Variants in ABCB5 observed in about 807,000 individuals in gnomAD.
ABCB5 encodes the protein ATP-binding cassette sub-family B member 5.
Under a neutral mutation model 144.2 loss-of-function variants are expected in ABCB5, and 155 were observed. That is an observed-to-expected ratio of 1.08 (90% CI 0.94 to 1.23). The LOEUF is 1.23. Ranked by LOEUF, ABCB5 falls within the 50% of genes most tolerant of loss-of-function variation. The pLI is 0.00. For missense variants in ABCB5, 1,830 were observed against 1,520.8 expected (o/e 1.20, Z -3.38); for synonymous variants, 610 against 528.6 (o/e 1.15, Z -2.11).
Position 20,715,332 on chromosome 7 carries a change from C to T in ABCB5, c.2422-7684C>T, listed in dbSNP as rs146321623. On this transcript the variant is annotated intron_variant, in intron 20 of 27. Transcript: ENST00000404938. ...AAGTGCTAGGATTACAGGTGTGAGC[C>T]GCCGCGCATGGCCTCTACTACTTAC... Among the ~76,000 whole-genome samples, 739 of 152,188 alleles carry T rather than the reference C, an allele frequency of 4.9e-3. 7 individuals carry two copies. The highest frequency in any genetic ancestry group is 0.017 in the African/African-American group (698 of 41,508).
At chr7:20,710,106 G>A (rs1370189457) in intron 20 of ABCB5, among the ~76,000 whole-genome samples, 7 of 147,666 alleles carry the variant, frequency 4.7e-5, no homozygotes, top group South Asian at 2.2e-4. Flanking sequence ...GGTGGCTCAC[G>A]CCTGTAATCC....
At chr7:20,694,719 C>G (rs1019655060) in intron 16 of ABCB5, among the ~76,000 whole-genome samples, 5 of 151,936 alleles carry the variant, frequency 3.3e-5, no homozygotes, top group Admixed American at 2.6e-4. Context: ...CACACATACA[C>G]GTACTAAAAC....
At chr7:20,689,885 G>T (rs956248744) in intron 16 of ABCB5, among the ~76,000 whole-genome samples, 98 of 152,172 alleles carry the variant, frequency 6.4e-4, no homozygotes, top group African/African-American at 2.2e-3. Context: ...TAATATTTCA[G>T]ACAGGGGCAC....
chr7:20,657,279 A>T (rs1014058516), intron 13 of ABCB5, among the ~76,000 whole-genome samples: 1 of 152,026 alleles, frequency 6.6e-6, no homozygotes, highest in African/African-American at 2.4e-5. Flanking sequence ...TCAGATAATG[A>T]ATAATTTTTT....
At chr7:20,650,597 G>GT (rs1424748967) in intron 12 of ABCB5, among the ~76,000 whole-genome samples, 1 of 150,496 alleles carries the variant, frequency 6.6e-6, no homozygotes, top group Non-Finnish European at 1.5e-5. Context: ...AGCTTACAGT[G>GT]TTGCACTTAA....
chr7:20,628,240 T>C (rs1317716666), intron 3 of ABCB5, among the ~76,000 whole-genome samples: 1 of 152,058 alleles, frequency 6.6e-6, no homozygotes, highest in Non-Finnish European at 1.5e-5. Context: ...CTCCCACCTA[T>C]GAGTGAGAAC....
rs576830878 is a variant in ABCB5, at chr7:20,632,203, C to G, written c.314+90C>G. On this transcript the variant is annotated intron_variant, in intron 5 of 27. Transcript: ENST00000404938. ...AAAAAGCAACTGAAATTTTGTATGACCATTAATATTACATAACAAATGATT... is the reference window on the plus strand; with the variant it reads ...AAAAAGCAACTGAAATTTTGTATGAGCATTAATATTACATAACAAATGATT... 15 of 786,072 alleles carry G rather than the reference C, an allele frequency of 1.9e-5. No individual in the cohort carries two copies. The South Asian group carries it at 2.7e-4, about 14-fold the overall frequency. The allele number at this position is 786,072 out of a possible 1,614,324, so 48.7% of individuals were successfully genotyped here. A position where few individuals can be genotyped will look rare whatever the true frequency, so the allele number is the denominator to read the frequency against.
chr7:20,654,394 G>C (rs2128027662), intron 13 of ABCB5, among the ~76,000 whole-genome samples: 1 of 152,268 alleles, frequency 6.6e-6, no homozygotes, highest in Middle Eastern at 3.4e-3. Flanking sequence ...CATCTGAAAG[G>C]AGAAAGACAA....
At chr7:20,642,748 C>G (rs981232237) in intron 5 of ABCB5, among the ~76,000 whole-genome samples, 17 of 152,086 alleles carry the variant, frequency 1.1e-4, no homozygotes, top group African/African-American at 4.1e-4. Context: ...ATAGATGAAT[C>G]TTTGTATATA....
At chr7:20,648,519 C>T (rs6949934) in intron 11 of ABCB5, among the ~76,000 whole-genome samples, 13,349 of 152,152 alleles carry the variant, frequency 0.088, 640 homozygotes, top group East Asian at 0.15. Flanking sequence ...ATCGCCTTTA[C>T]ACACACGCAC....
At position 20,643,590 on chromosome 7, in the gene ABCB5, C is replaced by G; in HGVS notation, c.636C>G (p.Ser212=). 6.2e-7 allele frequency: 1 copy of G among 1,613,926 alleles called. No individual in the cohort carries two copies. The highest frequency in any genetic ancestry group is 8.5e-7 in the Non-Finnish European group (1 of 1,179,882). ...KGWKLTLVTL[S]TSPLIMASAA... ...GGAAACTCACCCTAGTGACTCTATC[C>G]ACGTCTCCTCTTATAATGGCTTCAG... The change falls in exon 7 of 28, where the codon TCC becomes TCG. Residue 212 remains serine, a synonymous_variant. Transcript: ENST00000404938.
chr7:20,668,706 C>A (rs1341957179), intron 14 of ABCB5, among the ~76,000 whole-genome samples: 1 of 143,090 alleles, frequency 7.0e-6, no homozygotes. Context: ...CCAGTCGCCC[C>A]GTCCAGGAGG....
chr7:20,718,618 G>T (rs554160537), intron 20 of ABCB5, among the ~76,000 whole-genome samples: 2 of 152,170 alleles, frequency 1.3e-5, no homozygotes, highest in Non-Finnish European at 2.9e-5. Context: ...CCCTGGGGGG[G>T]AGGGAGGATT....
In ABCB5 at chr7:20,659,157, A is replaced by C. The variant is rs1784913637; in HGVS notation, c.1707+481A>C. The C allele has an allele frequency of 8.7e-6, 14 of 1,613,536 alleles. 1 individual carries two copies. The South Asian group carries it at 1.5e-4, about 18-fold the overall frequency. ...CGCCCTTCGACAGCTCTGGCCCCTC[A>C]AACCTCACCCTGACCTCCTGCTGCC... On this transcript the variant is annotated intron_variant, in intron 14 of 27. Coordinates refer to ENST00000404938, the MANE Select transcript of ABCB5 (RefSeq NM_001163941.2).
chr7:20,667,280 A>G (rs1785231910), intron 14 of ABCB5: 2 of 984,134 alleles, frequency 2.0e-6, no homozygotes, highest in Non-Finnish European at 2.4e-6. Flanking sequence ...CACAGATGAA[A>G]TGCTTGATAA....
chr7:20,668,735 C>T (rs1785327717), intron 14 of ABCB5, among the ~76,000 whole-genome samples: 2 of 144,340 alleles, frequency 1.4e-5, no homozygotes, highest in African/African-American at 5.3e-5. Context: ...GGGGTCAGCC[C>T]CCCGCCCGGC....
Position 20,704,748 on chromosome 7 carries a change from G to T in ABCB5, c.2362G>T (p.Glu788Ter), listed in dbSNP as rs201867298. The change falls in exon 20 of 28, where the codon GAA becomes TAA. Residue 788 changes from glutamate (E) to a stop codon, truncating the protein, a stop_gained. Coordinates refer to ENST00000404938, the MANE Select transcript of ABCB5 (RefSeq NM_001163941.2). LOFTEE classifies it high-confidence loss of function. Reference protein sequence around the residue: ...YQDIAWFDEKENSTGGLTTIL... With the variant: ...YQDIAWFDEK ...GGATATTGCCTGGTTTGATGAAAAG[G>T]AAAACAGCACAGGAGGCTTGACAAC... is the stretch of plus-strand genomic sequence containing the variant. The T allele has an allele frequency of 6.2e-7, 1 of 1,613,586 alleles. No homozygotes were observed. Among genetic ancestry groups the T allele is most frequent in the African/African-American group, 1.3e-5 (1 of 74,892 alleles).
At chr7:20,746,702 T>C (rs1193382889) in intron 26 of ABCB5, among the ~76,000 whole-genome samples, 1 of 152,226 alleles carries the variant, frequency 6.6e-6, no homozygotes, top group African/African-American at 2.4e-5. Context: ...CAAGCATTGA[T>C]ACAAATCCAA....
chr7:20,721,788 A>G (rs1216387268), intron 20 of ABCB5, among the ~76,000 whole-genome samples: 4 of 152,230 alleles, frequency 2.6e-5, no homozygotes, highest in African/African-American at 9.6e-5. Context: ...AGGAGTTAAG[A>G]ATTCACTTTA....
Sources: gnomAD v4.1 joint callset for allele counts (sites outside exome capture counted in the v4.1 genomes callset) on GRCh38, gnomAD v4.1.1 for gene constraint, MANE v1.5 for transcripts, NCBI Gene and HGNC (gene_info 2026-07-23, HGNC 2026-07-21) for gene names.